NTM: variants seen among roughly 807,000 people sequenced by gnomAD.
NTM encodes IgLON family member 2.
Under a neutral mutation model 42.1 loss-of-function variants are expected in NTM, and 13 were observed. That is an observed-to-expected ratio of 0.31 (90% CI 0.20 to 0.49). The LOEUF is 0.49. NTM is among the 20% of genes least tolerant of loss of function. The pLI, the probability that NTM is intolerant of heterozygous loss-of-function variation, is 0.99. For missense variants in NTM, 373 were observed against 452.8 expected (o/e 0.82, Z 1.60); for synonymous variants, 187 against 179.2 (o/e 1.04, Z -0.35).
rs773233050 is a variant in NTM at position 131,521,383 on chromosome 11, C to CTTTTTTTTTTTTTT, written c.82+150521_82+150534dup. ...AATGCAGAAGAAGCAAGGTGCCAGT[C>CTTTTTTTTTTTTTT]TTTTTTTTTTTTTTTTTTTTTTTTT... On this transcript the variant is annotated intron_variant, in intron 1 of 8. Coordinates refer to ENST00000683400, the MANE Select transcript of NTM (RefSeq NM_001352005.2). 6.6e-5 allele frequency among the ~76,000 whole-genome samples: 3 copies of CTTTTTTTTTTTTTT among 45,756 alleles called. 1 individual carries two copies. Among genetic ancestry groups the CTTTTTTTTTTTTTT allele is most frequent in the Non-Finnish European group, 1.2e-4 (3 of 25,550 alleles). 30.0% of individuals were successfully genotyped at this position (45,756 alleles called of 152,430 possible). A position where few individuals can be genotyped will look rare whatever the true frequency, so the allele number is the denominator to read the frequency against.
chr11:132,331,763 C>G (rs759034334), intron 8 of NTM, among the ~76,000 whole-genome samples: 5 of 152,160 alleles, frequency 3.3e-5, no homozygotes, highest in African/African-American at 4.8e-5. Flanking sequence ...GGAAGGCTGC[C>G]TGCAAGAGGT....
At chr11:131,432,410 C>T (rs1418334678) in intron 1 of NTM, among the ~76,000 whole-genome samples, 2 of 152,132 alleles carry the variant, frequency 1.3e-5, no homozygotes, top group African/African-American at 4.8e-5. Context: ...GACAGAGGAT[C>T]TTCTTTACAT....
chr11:131,649,634 C>A (rs553286998), intron 1 of NTM, among the ~76,000 whole-genome samples: 5 of 152,226 alleles, frequency 3.3e-5, no homozygotes, highest in Non-Finnish European at 5.9e-5. Flanking sequence ...AGCAGAAACA[C>A]CGTAGATAGT....
At chr11:131,396,559 T>C (rs963077136) in intron 1 of NTM, among the ~76,000 whole-genome samples, 3 of 152,132 alleles carry the variant, frequency 2.0e-5, no homozygotes, top group Non-Finnish European at 2.9e-5. Flanking sequence ...CTGGGCGCGG[T>C]GGCTCACACC....
At chr11:131,698,127 A>G (rs1458888741) in intron 1 of NTM, among the ~76,000 whole-genome samples, 3 of 152,080 alleles carry the variant, frequency 2.0e-5, no homozygotes, top group South Asian at 2.1e-4. Context: ...TAATATTGGG[A>G]TCTTTTTTCT....
chr11:131,914,282 C>T (rs2055877620), intron 2 of NTM, among the ~76,000 whole-genome samples: 1 of 152,092 alleles, frequency 6.6e-6, no homozygotes, highest in Non-Finnish European at 1.5e-5. Flanking sequence ...ACCCTTCCTT[C>T]CTTCCTTCCA....
At chr11:132,284,104 G>A (rs775494714) in intron 4 of NTM, among the ~76,000 whole-genome samples, 12 of 152,142 alleles carry the variant, frequency 7.9e-5, no homozygotes, top group Non-Finnish European at 1.8e-4. Context: ...TGATTTTGTG[G>A]GGATTAAAAT....
intron 1 of NTM, among the ~76,000 whole-genome samples, chr11:131,866,231 G>T (rs1201342643): frequency 6.6e-6 from 1 of 152,236 alleles, no homozygotes; most frequent in Non-Finnish European, 1.5e-5. Context: ...GTTGGCAGGT[G>T]CTTCCTTTTC....
intron 1 of NTM, among the ~76,000 whole-genome samples, chr11:131,458,044 G>A (rs1296670001): frequency 6.6e-6 from 1 of 152,152 alleles, no homozygotes; most frequent in Non-Finnish European, 1.5e-5. Context: ...ATGGACTGAG[G>A]GTATGCAATG....
chr11:131,572,643 C>T (rs375063329), intron 1 of NTM, among the ~76,000 whole-genome samples: 274 of 152,250 alleles, frequency 1.8e-3, no homozygotes, highest in South Asian at 6.8e-3. Context: ...GAAATGCATG[C>T]CAGACAAACA....
chr11:131,524,341 C>T (rs918358916), intron 1 of NTM, among the ~76,000 whole-genome samples: 5 of 152,182 alleles, frequency 3.3e-5, no homozygotes, highest in African/African-American at 4.8e-5. Flanking sequence ...TGGGGGCTCT[C>T]GGTCCTCCCA....
At chr11:131,615,250 C>T (rs1323145111) in intron 1 of NTM, among the ~76,000 whole-genome samples, 1 of 152,162 alleles carries the variant, frequency 6.6e-6, no homozygotes, top group Non-Finnish European at 1.5e-5. Context: ...CCTCAGATTC[C>T]TCTGTGGCAA....
chr11:132,256,132 TCTC>T (rs2092450414), intron 4 of NTM, among the ~76,000 whole-genome samples: 1 of 152,082 alleles, frequency 6.6e-6, no homozygotes, highest in Non-Finnish European at 1.5e-5. Flanking sequence ...CTAGGAAGCA[TCTC>T]CTCATTCACT....
At chr11:131,624,434 T>C (rs922673606) in intron 1 of NTM, among the ~76,000 whole-genome samples, 1 of 152,126 alleles carries the variant, frequency 6.6e-6, no homozygotes, top group African/African-American at 2.4e-5. Context: ...TTAATTGTGG[T>C]CCTGCAGGTA....
chr11:131,440,752 T>A (rs1949545269), intron 1 of NTM, among the ~76,000 whole-genome samples: 1 of 137,900 alleles, frequency 7.3e-6, no homozygotes, highest in African/African-American at 2.7e-5. Context: ...GGAATGTAAC[T>A]CTTCCTCATA....
At chr11:132,077,378 A>C (rs535867799) in intron 2 of NTM, among the ~76,000 whole-genome samples, 1 of 152,366 alleles carries the variant, frequency 6.6e-6, no homozygotes, top group South Asian at 2.1e-4. Flanking sequence ...TCTCAATAAA[A>C]GTTTGGGCCT....
intron 1 of NTM, among the ~76,000 whole-genome samples, chr11:131,763,420 G>C (rs1357097009): frequency 3.3e-5 from 5 of 152,186 alleles, no homozygotes; most frequent in African/African-American, 9.7e-5. Context: ...GGTCGTTGAA[G>C]AGTAGTTATA....
intron 1 of NTM, among the ~76,000 whole-genome samples, chr11:131,460,174 GCATGGCC>G (rs1423301038): frequency 6.6e-6 from 1 of 152,158 alleles, no homozygotes; most frequent in Non-Finnish European, 1.5e-5. Flanking sequence ...GTAATGCCCT[GCATGGCC>G]CAGATGATGA....
rs542966838 is a variant in NTM, at chr11:131,428,390, T to C, written c.82+57502T>C. On this transcript the variant is annotated intron_variant, in intron 1 of 8. Coordinates refer to ENST00000683400, the MANE Select transcript of NTM (RefSeq NM_001352005.2). ...CAGTTTTCTACACTTGCATATTTCC[T>C]CCCTACTTCTTGATTTATCTACATA... Among the ~76,000 whole-genome samples the C allele has an allele frequency of 8.4e-4, 128 of 152,320 alleles. No individual in the cohort carries two copies. The South Asian group carries it at 0.011, about 13-fold the overall frequency.
Sources: gnomAD v4.1 joint callset for allele counts (sites outside exome capture counted in the v4.1 genomes callset) on GRCh38, gnomAD v4.1.1 for gene constraint, MANE v1.5 for transcripts, NCBI Gene and HGNC (gene_info 2026-07-23, HGNC 2026-07-21) for gene names.